BMPR1A: variants seen among roughly 807,000 people sequenced by gnomAD.
The protein encoded by BMPR1A is bone morphogenetic protein receptor type 1A, also known as bone morphogenetic protein receptor type-1A.
Under a neutral mutation model 66.0 loss-of-function variants are expected in BMPR1A, and 7 were observed. That is an observed-to-expected ratio of 0.11 (90% CI 0.06 to 0.20). BMPR1A has a LOEUF of 0.20. Among genes scored for constraint, BMPR1A ranks in the 10% least tolerant of loss-of-function variants. BMPR1A has a pLI of 1.00. For synonymous variants in BMPR1A, 200 were observed against 229.7 expected, an observed-to-expected ratio of 0.87 and a Z score of 1.17; for missense variants, 408 against 669.1, an observed-to-expected ratio of 0.61 and a Z score of 4.31.
At chr10:86,857,735 T>A (rs1234872721) in intron 2 of BMPR1A, among the ~76,000 whole-genome samples, 2 of 143,256 alleles carry the variant, frequency 1.4e-5, no homozygotes, top group African/African-American at 5.3e-5. Flanking sequence ...GCTGGCTTTC[T>A]CCAGATCTAG....
chr10:86,874,206 G>A (rs1036866132), intron 2 of BMPR1A, among the ~76,000 whole-genome samples: 9 of 151,984 alleles, frequency 5.9e-5, no homozygotes, highest in African/African-American at 1.7e-4. Flanking sequence ...CTTTTCCCCC[G>A]TTATTTATTT....
chr10:86,777,731 A>G (rs566120588), intron 1 of BMPR1A, among the ~76,000 whole-genome samples: 2 of 151,896 alleles, frequency 1.3e-5, no homozygotes, highest in South Asian at 4.2e-4. Context: ...TTTTATTTTT[A>G]GGCCAGGCGC....
intron 1 of BMPR1A, among the ~76,000 whole-genome samples, chr10:86,791,831 C>CCA (rs1183214213): frequency 6.7e-6 from 1 of 149,938 alleles, no homozygotes; most frequent in African/African-American, 2.5e-5. Context: ...AGCATTTCTC[C>CCA]CATGTCAGCC....
rs759363072 is a variant in BMPR1A at position 86,917,188 on chromosome 10, C to T, written c.730C>T (p.Arg244Ter). ...GATGGTCCGGCAAGTTGGTAAAGGC[C>T]GATATGGAGAAGTATGGATGGGCAA... ...IQMVRQVGKG[R>*]YGEVWMGKWR... Residue 244 changes from arginine (R) to a stop codon, truncating the protein, a stop_gained, in exon 9 of 13, where the codon CGA (arginine) becomes TGA (stop). Transcript: ENST00000372037. LOFTEE classifies it high-confidence loss of function. 6.2e-7 allele frequency: 1 copy of T among 1,613,890 alleles called. No individual in the cohort carries two copies. Among genetic ancestry groups the T allele is most frequent in the Non-Finnish European group, 8.5e-7 (1 of 1,179,972 alleles).
chr10:86,797,447 G>A lies in BMPR1A; in HGVS notation c.-268+40528G>A, dbSNP rs574918157. 9.2e-5 allele frequency among the ~76,000 whole-genome samples: 14 copies of A among 152,072 alleles called. No homozygotes were observed. In the South Asian group the frequency reaches 2.9e-3, roughly 32 times the overall value. On this transcript the variant is annotated intron_variant, in intron 1 of 12. Transcript: ENST00000372037. The stretch of plus-strand genomic sequence containing the variant: ...GGGTTTCGCAGTGTTGGTTGGGCTG[G>A]TCTTGGAACTCCTGGCCTCGTGATT...
chr10:86,878,508 A>G (rs1447051284), intron 3 of BMPR1A, among the ~76,000 whole-genome samples: 1 of 152,264 alleles, frequency 6.6e-6, no homozygotes, highest in Non-Finnish European at 1.5e-5. Flanking sequence ...TTAAGTAACT[A>G]ATAATGACTT....
At chr10:86,861,002 C>G (rs12218889) in intron 2 of BMPR1A, among the ~76,000 whole-genome samples, 21,722 of 151,516 alleles carry the variant, frequency 0.14, 2,608 homozygotes, top group East Asian at 0.66. Flanking sequence ...CCACCACGCC[C>G]GGCTAATGTT....
At chr10:86,808,206 A>G (rs1282903122) in intron 1 of BMPR1A, among the ~76,000 whole-genome samples, 1 of 152,136 alleles carries the variant, frequency 6.6e-6, no homozygotes, top group Non-Finnish European at 1.5e-5. Context: ...GTTTGTTCAT[A>G]ATATTCCTTT....
Position 86,924,926 on chromosome 10 carries a change from A to G in BMPR1A, c.*1207A>G, listed in dbSNP as rs1843718980. On this transcript the variant is annotated 3_prime_UTR_variant, in exon 13 of 13. Transcript: ENST00000372037. ...CAGGACTTTGTTAACTTCAGGTAAAAACTTCATTAGGGTAATATCATCTCA... is the reference window on the plus strand; with the variant it reads ...CAGGACTTTGTTAACTTCAGGTAAAGACTTCATTAGGGTAATATCATCTCA... 1 of 232,094 alleles carries G rather than the reference A, an allele frequency of 4.3e-6. No homozygotes were observed. The highest frequency in any genetic ancestry group is 8.5e-6 in the Non-Finnish European group (1 of 117,442). The allele number at this position is 232,094 out of a possible 1,614,324, so 14.4% of individuals were successfully genotyped here. A position where few individuals can be genotyped will look rare whatever the true frequency, so the allele number is the denominator to read the frequency against.
intron 1 of BMPR1A, among the ~76,000 whole-genome samples, chr10:86,763,027 T>G (rs1055828483): frequency 2.7e-4 from 41 of 151,956 alleles, no homozygotes; most frequent in African/African-American, 8.5e-4. Flanking sequence ...TCCCAAGTAG[T>G]TGGGGTCACA....
intron 8 of BMPR1A, among the ~76,000 whole-genome samples, chr10:86,914,089 GAAC>G (rs1843528205): frequency 6.6e-6 from 1 of 150,946 alleles, no homozygotes; most frequent in East Asian, 1.9e-4. Context: ...GTTTAGAAAG[GAAC>G]ATGCACTTAA....
intron 1 of BMPR1A, among the ~76,000 whole-genome samples, chr10:86,793,885 C>T (rs1375175453): frequency 6.6e-6 from 1 of 152,182 alleles, no homozygotes; most frequent in Non-Finnish European, 1.5e-5. Context: ...TTCTGTGCCT[C>T]TTACAGCCTC....
At chr10:86,777,355 G>C (rs115623239) in intron 1 of BMPR1A, among the ~76,000 whole-genome samples, 2,702 of 152,248 alleles carry the variant, frequency 0.018, 99 homozygotes, top group African/African-American at 0.062. Context: ...CCAGACAGGA[G>C]GATTACTTGA....
At chr10:86,799,585 T>C (rs1247524394) in intron 1 of BMPR1A, among the ~76,000 whole-genome samples, 1 of 151,842 alleles carries the variant, frequency 6.6e-6, no homozygotes. Context: ...AAGATCTTGC[T>C]CTGTTGCCCA....
intron 1 of BMPR1A, among the ~76,000 whole-genome samples, chr10:86,818,970 C>G (rs571314136): frequency 1.3e-5 from 2 of 152,138 alleles, no homozygotes; most frequent in East Asian, 3.9e-4. Context: ...TCAGTAAATA[C>G]GTTGAATGAA....
intron 2 of BMPR1A, among the ~76,000 whole-genome samples, chr10:86,850,622 A>T (rs903618809): frequency 1.3e-5 from 2 of 152,054 alleles, no homozygotes; most frequent in African/African-American, 4.8e-5. Flanking sequence ...AATTTAGCTC[A>T]AAGTTTTGTT....
At chr10:86,906,743 AAAAAAAAAAAAAAAAAAAAC>A (rs1843396949) in intron 7 of BMPR1A, among the ~76,000 whole-genome samples, 1 of 33,564 alleles carries the variant, frequency 3.0e-5, no homozygotes, top group Non-Finnish European at 4.5e-5. Context: ...AAAAAAAAAA[AAAAAAAAAAAAAAAAAAAAC>A]ACTTTGTCCT....
intron 2 of BMPR1A, among the ~76,000 whole-genome samples, chr10:86,851,776 T>C (rs911022070): frequency 3.3e-5 from 5 of 152,040 alleles, no homozygotes; most frequent in Middle Eastern, 3.4e-3. Flanking sequence ...TTTGGTAGAG[T>C]TGGAGCATCG....
intron 1 of BMPR1A, among the ~76,000 whole-genome samples, chr10:86,780,210 C>G (rs956919448): frequency 6.6e-6 from 1 of 152,088 alleles, no homozygotes; most frequent in Non-Finnish European, 1.5e-5. Context: ...TATTAATCCC[C>G]TGTTGGATGA....
Sources: allele counts gnomAD v4.1 joint callset (sites outside exome capture counted in the v4.1 genomes callset), GRCh38; gene constraint gnomAD v4.1.1; transcripts MANE v1.5; gene names NCBI Gene and HGNC (gene_info 2026-07-23, HGNC 2026-07-21).